The following EDNRB variants were observed in gnomAD, a reference collection of about 807,000 sequenced individuals.
The protein encoded by EDNRB is Hirschsprung disease 2.
EDNRB carries 18 observed loss-of-function variants against 46.4 expected under a neutral mutation model. The ratio of observed to expected loss-of-function variants is 0.39; its 90% CI spans 0.27 to 0.57. EDNRB has a LOEUF of 0.57. EDNRB is among the 20% of genes least tolerant of loss of function. The pLI, the probability that EDNRB is intolerant of heterozygous loss-of-function variation, is 0.61. For missense variants in EDNRB, 434 were observed against 537.5 expected, an observed-to-expected ratio of 0.81 and a Z score of 1.90; for synonymous variants, 213 against 204.9, an observed-to-expected ratio of 1.04 and a Z score of -0.34.
intron 1 of EDNRB, among the ~76,000 whole-genome samples, chr13:77,947,086 T>G (rs1031381088): frequency 2.0e-5 from 3 of 152,230 alleles, no homozygotes; most frequent in African/African-American, 7.2e-5. Context: ...CTCATAACAC[T>G]AAGTGTAACA....
At chr13:77,955,479 T>G (rs1280704399) in intron 1 of EDNRB, among the ~76,000 whole-genome samples, 1 of 152,226 alleles carries the variant, frequency 6.6e-6, no homozygotes, top group East Asian at 1.9e-4. Context: ...TTTGATGTAA[T>G]CCCACTTGTC....
chr13:77,902,683 T>C (rs901256284), intron 3 of EDNRB, among the ~76,000 whole-genome samples: 2 of 151,928 alleles, frequency 1.3e-5, no homozygotes, highest in Non-Finnish European at 2.9e-5. Flanking sequence ...CCCTACCCAA[T>C]AGGGGAAAGA....
intron 1 of EDNRB, among the ~76,000 whole-genome samples, chr13:77,915,019 C>T (rs1316459440): frequency 6.6e-6 from 1 of 152,042 alleles, no homozygotes; most frequent in Non-Finnish European, 1.5e-5. Context: ...TTATAAAACC[C>T]CACCAAAAAA....
chr13:77,958,233 A>G (rs934956724), intron 1 of EDNRB, among the ~76,000 whole-genome samples: 31 of 152,310 alleles, frequency 2.0e-4, no homozygotes, highest in African/African-American at 6.7e-4. Context: ...AAAAACACCC[A>G]CAGGTGATTC....
chr13:77,896,330 T>C lies in EDNRB; in HGVS notation c.*1870A>G. 1 of 1,049,068 alleles carries C rather than the reference T, an allele frequency of 9.5e-7. No individual in the cohort carries two copies. The highest frequency in any genetic ancestry group is 1.3e-6 in the Non-Finnish European group (1 of 773,946). The allele number at this position is 1,049,068 out of a possible 1,614,324, so 65.0% of individuals were successfully genotyped here. ...TTAGTGATTCAAAATTAATTTAAAA[T>C]TGAGAGTCTAAAATGACTTCTATGA... On this transcript the variant is annotated 3_prime_UTR_variant, in exon 7 of 7. Transcript: ENST00000646607.
intron 1 of EDNRB, among the ~76,000 whole-genome samples, chr13:77,916,704 C>T (rs1879822513): frequency 6.6e-6 from 1 of 152,112 alleles, no homozygotes; most frequent in Non-Finnish European, 1.5e-5. Flanking sequence ...ACAACATTTC[C>T]CAACTTTACA....
intron 1 of EDNRB, among the ~76,000 whole-genome samples, chr13:77,959,428 CAG>C (rs1202812197): frequency 6.6e-6 from 1 of 152,210 alleles, no homozygotes; most frequent in African/African-American, 2.4e-5. Context: ...CCCAGGCAAA[CAG>C]GGTCGGGAGT....
intron 1 of EDNRB, among the ~76,000 whole-genome samples, chr13:77,971,742 T>C (rs1881738330): frequency 6.6e-6 from 1 of 152,222 alleles, no homozygotes; most frequent in African/African-American, 2.4e-5. Context: ...CTGGTATTCC[T>C]TGCAGGACTC....
At chr13:77,920,981 A>G (rs529213303), upstream of EDNRB, among the ~76,000 whole-genome samples, 128 of 152,164 alleles carry the variant, frequency 8.4e-4, no homozygotes, top group Non-Finnish European at 1.5e-3. Context: ...TCTCCATTCA[A>G]ATTTCCTCCA....
chr13:77,951,645 G>A (rs1041074608), intron 1 of EDNRB, among the ~76,000 whole-genome samples: 4 of 152,142 alleles, frequency 2.6e-5, no homozygotes, highest in Non-Finnish European at 4.4e-5. Flanking sequence ...AGCATAGCCC[G>A]TGGTGTCAAA....
chr13:77,930,654 T>C lies in EDNRB; in HGVS notation c.-51-12030A>G, dbSNP rs564969388. The stretch of plus-strand genomic sequence containing the variant: ...TAGTGCAGAGCTGAAACTGAAATCA[T>C]GTCAGAAATGTTGAGTTTGTAACTT... On this transcript the variant is annotated intron_variant, in intron 1 of 7. Coordinates refer to the EDNRB transcript ENST00000646948. Among the ~76,000 whole-genome samples the C allele has an allele frequency of 2.6e-5, 4 of 152,348 alleles. No homozygotes were observed. In the East Asian group the frequency reaches 7.7e-4, roughly 29 times the overall value.
chr13:77,915,172 C>T lies in EDNRB; in HGVS notation c.483+2919G>A, dbSNP rs573847067. ...TAAATGCATTAAAAAAACTACGTTG[C>T]CACAATTATTTAGGAGAATAAATGG... On this transcript the variant is annotated intron_variant, in intron 1 of 6. Coordinates refer to ENST00000646607, the MANE Select transcript of EDNRB (RefSeq NM_001122659.3). Among the ~76,000 whole-genome samples the T allele has an allele frequency of 2.0e-5, 3 of 152,150 alleles. No individual in the cohort carries two copies. In the East Asian group the frequency reaches 5.8e-4, roughly 29 times the overall value.
At chr13:77,917,483 T>G (rs1402757717) in intron 1 of EDNRB, among the ~76,000 whole-genome samples, 1 of 152,200 alleles carries the variant, frequency 6.6e-6, no homozygotes, top group Non-Finnish European at 1.5e-5. Flanking sequence ...AAAACAGTCC[T>G]TCCCAAAGTT....
chr13:77,955,804 G>T (rs967076804), intron 1 of EDNRB, among the ~76,000 whole-genome samples: 2 of 151,538 alleles, frequency 1.3e-5, no homozygotes, highest in Non-Finnish European at 1.5e-5. Context: ...TTACTTTTGG[G>T]CTCTCTATTC....
At chr13:77,937,166 G>A (rs761233207) in intron 1 of EDNRB, among the ~76,000 whole-genome samples, 99 of 152,114 alleles carry the variant, frequency 6.5e-4, no homozygotes, top group Non-Finnish European at 1.2e-3. Context: ...CTGGGTTTTC[G>A]TCTTTACCTT....
At chr13:77,955,561 T>C (rs532170923) in intron 1 of EDNRB, among the ~76,000 whole-genome samples, 4 of 152,306 alleles carry the variant, frequency 2.6e-5, no homozygotes, top group African/African-American at 9.6e-5. Flanking sequence ...TTGTCCATCA[T>C]CAAGAATATT....
At chr13:77,936,636 C>T (rs999275546) in intron 1 of EDNRB, among the ~76,000 whole-genome samples, 10 of 152,148 alleles carry the variant, frequency 6.6e-5, no homozygotes, top group Non-Finnish European at 1.3e-4. Flanking sequence ...AGCCTTGGGC[C>T]AGAGTTCCAG....
intron 3 of EDNRB, among the ~76,000 whole-genome samples, chr13:77,901,878 A>ATTCT (rs1217701909): frequency 2.6e-5 from 4 of 151,900 alleles, no homozygotes; most frequent in African/African-American, 9.7e-5. Flanking sequence ...TATGTCCTTG[A>ATTCT]TTCTTTTACT....
chr13:77,932,372 A>C (rs952563471), intron 1 of EDNRB, among the ~76,000 whole-genome samples: 4 of 152,258 alleles, frequency 2.6e-5, no homozygotes, highest in African/African-American at 9.6e-5. Context: ...CTAATTTAAC[A>C]CGATTTATTA....
Sources: gnomAD v4.1 joint callset for allele counts (sites outside exome capture counted in the v4.1 genomes callset) on GRCh38, gnomAD v4.1.1 for gene constraint, MANE v1.5 for transcripts, NCBI Gene and HGNC (gene_info 2026-07-23, HGNC 2026-07-21) for gene names.